The following SYT1 variants were observed in gnomAD, a reference collection of about 807,000 sequenced individuals.
SYT1 encodes synaptotagmin-1.
SYT1 carries 8 observed loss-of-function variants against 44.8 expected under a neutral mutation model. The observed-to-expected ratio is 0.18, with a 90% CI of 0.10 to 0.32. The LOEUF (loss-of-function observed/expected upper bound fraction) is 0.32, where lower values mean the gene tolerates loss of function less well. Among genes scored for constraint, SYT1 ranks in the 10% least tolerant of loss-of-function variants. The pLI is 1.00. For missense variants in SYT1, 286 were observed against 509.3 expected (o/e 0.56, Z 4.22); for synonymous variants, 154 against 188.8 (o/e 0.82, Z 1.51).
At chr12:78,918,199 A>G (rs758662461) in intron 1 of SYT1, among the ~76,000 whole-genome samples, 4 of 152,110 alleles carry the variant, frequency 2.6e-5, no homozygotes, top group Non-Finnish European at 5.9e-5. Flanking sequence ...TAACTTTTCT[A>G]TTAAGATTTG....
intron 1 of SYT1, among the ~76,000 whole-genome samples, chr12:78,904,998 A>AAT (rs1292351104): frequency 6.6e-6 from 1 of 152,164 alleles, no homozygotes; most frequent in Non-Finnish European, 1.5e-5. Context: ...AAGAAGGCCA[A>AAT]ATATGAATTA....
intron 3 of SYT1, among the ~76,000 whole-genome samples, chr12:79,216,068 A>G (rs991357872): frequency 1.3e-5 from 2 of 151,274 alleles, no homozygotes; most frequent in African/African-American, 4.9e-5. Flanking sequence ...ACTATCTGGG[A>G]TTACAGGTGC....
chr12:78,988,506 T>C (rs1346960837), intron 2 of SYT1, among the ~76,000 whole-genome samples: 2 of 151,476 alleles, frequency 1.3e-5, no homozygotes, highest in African/African-American at 2.4e-5. Flanking sequence ...CGGTGAAATT[T>C]ACATAGATTG....
At chr12:79,040,112 C>A (rs1038547365) in intron 2 of SYT1, among the ~76,000 whole-genome samples, 27 of 152,078 alleles carry the variant, frequency 1.8e-4, no homozygotes, top group South Asian at 8.3e-4. Flanking sequence ...TAGCAGCATG[C>A]TTTATAGTCC....
At chr12:79,249,295 G>A (rs368791713) in intron 4 of SYT1, among the ~76,000 whole-genome samples, 2 of 150,764 alleles carry the variant, frequency 1.3e-5, no homozygotes, top group East Asian at 1.9e-4. Context: ...TAGTAGAGAC[G>A]GGGTTTCACC....
intron 9 of SYT1, among the ~76,000 whole-genome samples, chr12:79,362,250 G>A (rs1166239954): frequency 1.3e-5 from 2 of 152,126 alleles, no homozygotes; most frequent in Non-Finnish European, 2.9e-5. Flanking sequence ...GCTAAGCTGA[G>A]TAAGCCAAAA....
intron 3 of SYT1, among the ~76,000 whole-genome samples, chr12:79,113,447 A>G (rs986918175): frequency 6.6e-6 from 1 of 152,030 alleles, no homozygotes; most frequent in African/African-American, 2.4e-5. Flanking sequence ...AAAAATTCTT[A>G]GAGTTATAAA....
chr12:79,394,499 C>T lies in SYT1; in HGVS notation c.928+40880C>T, dbSNP rs558347622. Among the ~76,000 whole-genome samples the T allele has an allele frequency of 2.0e-5, 3 of 152,262 alleles. No individual in the cohort carries two copies. The South Asian group carries it at 6.2e-4, about 32-fold the overall frequency. On this transcript the variant is annotated intron_variant, in intron 9 of 10. Transcript: ENST00000261205. The stretch of plus-strand genomic sequence containing the variant: ...ACAGTCCTCAGGATGATTCAGTATA[C>T]AAATGTGAACCCATTTAAGCTAATA...
At chr12:79,053,533 A>G (rs1231252022) in intron 3 of SYT1, among the ~76,000 whole-genome samples, 4 of 149,740 alleles carry the variant, frequency 2.7e-5, no homozygotes, top group African/African-American at 4.9e-5. Flanking sequence ...AAAAATTCTT[A>G]TATATATTAT....
At chr12:79,224,752 TTA>T (rs1378777410) in intron 4 of SYT1, among the ~76,000 whole-genome samples, 1 of 5,986 alleles carries the variant, frequency 1.7e-4, no homozygotes, top group African/African-American at 4.5e-3. Context: ...TATTTATTTT[TTA>T]TTATTATTAT....
At chr12:79,020,363 T>C (rs960482350) in intron 2 of SYT1, among the ~76,000 whole-genome samples, 2 of 151,898 alleles carry the variant, frequency 1.3e-5, no homozygotes, top group Non-Finnish European at 1.5e-5. Context: ...AAGTTGTCCA[T>C]TTCAATTAAC....
At chr12:78,967,946 T>C (rs1049719177) in intron 1 of SYT1, among the ~76,000 whole-genome samples, 4 of 152,042 alleles carry the variant, frequency 2.6e-5, no homozygotes, top group African/African-American at 9.7e-5. Context: ...CTCAACAATA[T>C]TAACAATGTA....
chr12:79,085,496 C>CT (rs1877322434), intron 3 of SYT1, among the ~76,000 whole-genome samples: 1 of 151,742 alleles, frequency 6.6e-6, no homozygotes, highest in Non-Finnish European at 1.5e-5. Context: ...GGGCAGACAC[C>CT]TCCTCCAGTG....
chr12:78,877,772 G>T (rs1874252756), intron 1 of SYT1, among the ~76,000 whole-genome samples: 1 of 151,622 alleles, frequency 6.6e-6, no homozygotes, highest in Non-Finnish European at 1.5e-5. Flanking sequence ...GAGACTACAG[G>T]TGCATACCAC....
chr12:78,985,060 G>A (rs1395118385), intron 2 of SYT1, among the ~76,000 whole-genome samples: 3 of 151,616 alleles, frequency 2.0e-5, no homozygotes, highest in Non-Finnish European at 4.4e-5. Flanking sequence ...GAACCAAAAA[G>A]AAACTTACTG....
chr12:79,066,551 G>A (rs549622501), intron 3 of SYT1, among the ~76,000 whole-genome samples: 2 of 151,716 alleles, frequency 1.3e-5, no homozygotes, highest in African/African-American at 4.8e-5. Context: ...AGAGAGCAGA[G>A]TCAGTGAGCA....
At chr12:78,969,169 G>C (rs1315804686) in intron 1 of SYT1, among the ~76,000 whole-genome samples, 1 of 152,130 alleles carries the variant, frequency 6.6e-6, no homozygotes, top group Non-Finnish European at 1.5e-5. Context: ...GGTATTATAA[G>C]TAATCTAGAG....
At chr12:79,086,696 A>G (rs1365388297) in intron 3 of SYT1, among the ~76,000 whole-genome samples, 2 of 152,152 alleles carry the variant, frequency 1.3e-5, no homozygotes, top group Admixed American at 1.3e-4. Context: ...TGAAGCAGAA[A>G]AATCACTGCC....
At chr12:79,129,999 A>C (rs1014889188) in intron 3 of SYT1, among the ~76,000 whole-genome samples, 1 of 152,224 alleles carries the variant, frequency 6.6e-6, no homozygotes, top group Admixed American at 6.5e-5. Flanking sequence ...TAACATTTTT[A>C]GATTAAAAGT....
Sources: gnomAD v4.1 joint callset for allele counts (sites outside exome capture counted in the v4.1 genomes callset) on GRCh38, gnomAD v4.1.1 for gene constraint, MANE v1.5 for transcripts, NCBI Gene and HGNC (gene_info 2026-07-23, HGNC 2026-07-21) for gene names.